Variants in PUDP observed in about 807,000 individuals in gnomAD.
PUDP encodes the protein pseudouridine 5'-phosphatase, also known as pseudouridine-5'-phosphatase.
Under a neutral mutation model 9.4 loss-of-function variants are expected in PUDP, and 8 were observed. That is an observed-to-expected ratio of 0.85 (90% CI 0.50 to 1.53). The LOEUF (loss-of-function observed/expected upper bound fraction) is 1.53. Ranked by LOEUF, PUDP falls within the 40% of genes most tolerant of loss-of-function variation. The pLI is 0.00. For synonymous variants in PUDP, 99 were observed against 80.7 expected (o/e 1.23, Z -1.22); for missense variants, 188 against 189.7 (o/e 0.99, Z 0.05).
At chrX:6,731,881 A>G (rs1194212460) in intron 3 of PUDP, among the ~76,000 whole-genome samples, 1 of 111,501 alleles carries the variant, frequency 9.0e-6, no homozygotes, top group Non-Finnish European at 1.9e-5. Flanking sequence ...GTGTGATGAT[A>G]ATTTAAAATG....
intron 3 of PUDP, among the ~76,000 whole-genome samples, chrX:6,751,516 A>G (rs190508954): frequency 8.9e-6 from 1 of 112,147 alleles, no homozygotes; most frequent in Admixed American, 9.4e-5. Context: ...TGAGCAATGA[A>G]AAATACCAGA....
chrX:6,757,939 T>G (rs1925187731), intron 3 of PUDP, among the ~76,000 whole-genome samples: 1 of 112,148 alleles, frequency 8.9e-6, no homozygotes, highest in Non-Finnish European at 1.9e-5. Flanking sequence ...CAACGTGTGA[T>G]TTGTCTTAGT....
intron 3 of PUDP, among the ~76,000 whole-genome samples, chrX:6,749,991 G>A (rs1685952281): frequency 8.9e-6 from 1 of 112,217 alleles, no homozygotes; most frequent in Non-Finnish European, 1.9e-5. Flanking sequence ...AAACCAAAGA[G>A]TCGAGTATAA....
At chrX:6,870,030 T>C (rs1344469447) in intron 3 of PUDP, among the ~76,000 whole-genome samples, 1 of 109,994 alleles carries the variant, frequency 9.1e-6, no homozygotes, top group East Asian at 2.9e-4. Flanking sequence ...AATGGATAAA[T>C]GAATAAACAA....
chrX:6,992,310 T>C (rs1929192196), intron 1 of PUDP, among the ~76,000 whole-genome samples: 1 of 76,195 alleles, frequency 1.3e-5, no homozygotes. Context: ...TCTCGCTCTG[T>C]CGCCCAGGCT....
intron 3 of PUDP, among the ~76,000 whole-genome samples, chrX:6,917,631 A>C (rs1256989841): frequency 8.9e-6 from 1 of 112,356 alleles, no homozygotes; most frequent in Non-Finnish European, 1.9e-5. Flanking sequence ...TTCAAAGCTA[A>C]TGCATTGTTA....
At chrX:6,743,888 T>G (rs1924968524) in intron 3 of PUDP, among the ~76,000 whole-genome samples, 2 of 112,157 alleles carry the variant, frequency 1.8e-5, no homozygotes. Flanking sequence ...AATTCCCACC[T>G]TATTTTTTGG....
intron 1 of PUDP, among the ~76,000 whole-genome samples, chrX:7,121,381 C>T (rs1932339261): frequency 9.0e-6 from 1 of 111,326 alleles, no homozygotes; most frequent in Admixed American, 9.5e-5. Flanking sequence ...GAGGGGATGC[C>T]CATGTTTTGG....
intron 1 of PUDP, among the ~76,000 whole-genome samples, chrX:6,718,650 T>C (rs958728448): frequency 4.5e-5 from 5 of 111,214 alleles, no homozygotes; most frequent in African/African-American, 6.6e-5. Context: ...ATGGGTACAA[T>C]GTACACTATT....
intron 3 of PUDP, among the ~76,000 whole-genome samples, chrX:6,976,530 C>T (rs1928959214): frequency 8.9e-6 from 1 of 111,953 alleles, no homozygotes; most frequent in Non-Finnish European, 1.9e-5. Flanking sequence ...ATGGGCTGCA[C>T]CCACTGTCTA....
intron 3 of PUDP, among the ~76,000 whole-genome samples, chrX:6,870,222 T>C (rs2146733427): frequency 8.9e-6 from 1 of 112,113 alleles, no homozygotes; most frequent in Admixed American, 9.5e-5. Flanking sequence ...CAGAGAGTTC[T>C]GGAGATGGGA....
At chrX:7,020,299 A>G (rs1325159805) in intron 1 of PUDP, among the ~76,000 whole-genome samples, 3 of 106,121 alleles carry the variant, frequency 2.8e-5, no homozygotes, top group African/African-American at 1.0e-4. Flanking sequence ...CTTGCCACTC[A>G]GGTGACCATG....
At chrX:6,953,649 C>G (rs1190858976) in intron 3 of PUDP, among the ~76,000 whole-genome samples, 2 of 111,037 alleles carry the variant, frequency 1.8e-5, no homozygotes, top group Non-Finnish European at 3.8e-5. Flanking sequence ...CACACTCCTA[C>G]AGAAATGCCA....
At chrX:7,019,034 AG>A (rs1929592641) in intron 1 of PUDP, among the ~76,000 whole-genome samples, 1 of 112,334 alleles carries the variant, frequency 8.9e-6, no homozygotes, top group East Asian at 2.8e-4. Context: ...CCCTTGTAGC[AG>A]AGCACATCTC....
intron 1 of PUDP, among the ~76,000 whole-genome samples, chrX:7,039,882 C>T (rs1322203207): frequency 8.9e-6 from 1 of 111,842 alleles, no homozygotes; most frequent in Non-Finnish European, 1.9e-5. Context: ...TGACATTCTT[C>T]GGGAGAAATG....
intron 1 of PUDP, among the ~76,000 whole-genome samples, chrX:7,043,182 G>C (rs1929944872): frequency 8.9e-6 from 1 of 111,972 alleles, no homozygotes; most frequent in African/African-American, 3.2e-5. Context: ...TGAGTTTACA[G>C]GAAAATGCAA....
intron 1 of PUDP, among the ~76,000 whole-genome samples, chrX:7,029,242 C>T (rs189886316): frequency 8.9e-6 from 1 of 111,876 alleles, no homozygotes. Flanking sequence ...AGATTGGACT[C>T]CGTTGCCTTA....
chrX:6,992,409 A>G (rs1451529742), intron 1 of PUDP, among the ~76,000 whole-genome samples: 1 of 96,116 alleles, frequency 1.0e-5, no homozygotes, highest in Non-Finnish European at 2.1e-5. Context: ...AGTAGCTGGG[A>G]CTACAGGCGC....
intron 1 of PUDP, among the ~76,000 whole-genome samples, chrX:6,712,372 A>G (rs920362420): frequency 7.2e-5 from 8 of 111,207 alleles, no homozygotes; most frequent in African/African-American, 2.3e-4. Flanking sequence ...AATGTCTCCA[A>G]CTCCGGACCT....
Sources: allele counts gnomAD v4.1 joint callset (sites outside exome capture counted in the v4.1 genomes callset), GRCh38; gene constraint gnomAD v4.1.1; transcripts MANE v1.5; gene names NCBI Gene and HGNC (gene_info 2026-07-23, HGNC 2026-07-21).